Variants in PPP1R21 observed in about 807,000 individuals in gnomAD.
PPP1R21 encodes KLRAQ motif containing 1.
Under a neutral mutation model 112.8 loss-of-function variants are expected in PPP1R21, and 85 were observed. The observed-to-expected ratio is 0.75, with a 90% CI of 0.63 to 0.90. The LOEUF (loss-of-function observed/expected upper bound fraction) is 0.90. Among genes scored for constraint, PPP1R21 ranks in the 40% least tolerant of loss-of-function variants. The probability of loss-of-function intolerance (pLI) is 0.00; values close to 1 mark genes in which losing one functional copy is unlikely to be tolerated. For missense variants in PPP1R21, 1,199 were observed against 901.5 expected, an observed-to-expected ratio of 1.33 and a Z score of -4.23; for synonymous variants, 381 against 322.3, an observed-to-expected ratio of 1.18 and a Z score of -1.95.
chr2:48,510,181 A>T, intron 20 of PPP1R21, 68 bp downstream of exon 20: 5 of 1,194,160 alleles, frequency 4.2e-6, no homozygotes, highest in Non-Finnish European at 6.0e-6. Context: ...GCAAAGCAGC[A>T]TTTCTTTTCC....
intron 12 of PPP1R21, among the ~76,000 whole-genome samples, chr2:48,476,362 A>G (rs940270475): frequency 6.6e-6 from 1 of 152,200 alleles, no homozygotes; most frequent in African/African-American, 2.4e-5. Context: ...TGTAGTGGAC[A>G]TTTGGGTTGT....
At chr2:48,476,918 C>A (rs1668783400) in intron 12 of PPP1R21, among the ~76,000 whole-genome samples, 1 of 151,694 alleles carries the variant, frequency 6.6e-6, no homozygotes, top group African/African-American at 2.4e-5. Flanking sequence ...TGATAGTGTC[C>A]TTTGAGGAAC....
chr2:48,497,852 T>C (rs1319049451), intron 16 of PPP1R21, among the ~76,000 whole-genome samples: 2 of 151,902 alleles, frequency 1.3e-5, no homozygotes, highest in African/African-American at 2.4e-5. Flanking sequence ...GGGGTTTCAC[T>C]GTGTTAGCCA....
intron 3 of PPP1R21, 51 bp downstream of exon 3, chr2:48,454,792 AC>A: frequency 7.2e-7 from 1 of 1,390,070 alleles, no homozygotes; most frequent in East Asian, 2.3e-5. Context: ...AGTTACTGAC[AC>A]CTACAGGGCA....
intron 9 of PPP1R21, 130 bp downstream of exon 9, chr2:48,465,772 T>C (rs1295710445): frequency 1.6e-5 from 11 of 686,312 alleles, no homozygotes; most frequent in Admixed American, 3.6e-5. Flanking sequence ...AGCATAGTTT[T>C]TACTCTCAAA....
At chr2:48,494,314 C>T (rs1343037911) in intron 15 of PPP1R21, among the ~76,000 whole-genome samples, 1 of 146,434 alleles carries the variant, frequency 6.8e-6, no homozygotes, top group Non-Finnish European at 1.5e-5. Context: ...GCCTAACCTA[C>T]CAACCATCAT....
chr2:48,450,531 C>G (rs1039730321), intron 1 of PPP1R21, among the ~76,000 whole-genome samples: 1 of 152,320 alleles, frequency 6.6e-6, no homozygotes, highest in South Asian at 2.1e-4. Context: ...TAATATTAGG[C>G]ACAGTGTCCT....
intron 11 of PPP1R21, among the ~76,000 whole-genome samples, chr2:48,474,030 A>C (rs1395269248): frequency 6.6e-6 from 1 of 152,170 alleles, no homozygotes; most frequent in Non-Finnish European, 1.5e-5. Flanking sequence ...TTTCTTTAGG[A>C]ATTTAGTCTG....
At chr2:48,486,045 T>C (rs962175866) in intron 13 of PPP1R21, among the ~76,000 whole-genome samples, 1 of 150,954 alleles carries the variant, frequency 6.6e-6, no homozygotes, top group African/African-American at 2.4e-5. Context: ...TCTTCTATGC[T>C]TTCCTAACCA....
chr2:48,467,369 A>G (rs768402886), intron 9 of PPP1R21, among the ~76,000 whole-genome samples: 2 of 152,260 alleles, frequency 1.3e-5, no homozygotes, highest in African/African-American at 2.4e-5. Flanking sequence ...TATATTAGCT[A>G]TGTATTGCTA....
chr2:48,441,361 G>A (rs1283991281), intron 1 of PPP1R21: 1 of 356,990 alleles, frequency 2.8e-6, no homozygotes, highest in Non-Finnish European at 5.4e-6. Flanking sequence ...TCACCTCGCT[G>A]CTTCCTCAAT....
intron 12 of PPP1R21, among the ~76,000 whole-genome samples, chr2:48,475,867 G>C (rs1368172253): frequency 6.6e-6 from 1 of 151,946 alleles, no homozygotes; most frequent in African/African-American, 2.4e-5. Flanking sequence ...AGTATTTTTG[G>C]GTAACTGAAT....
chr2:48,479,432 A>T, intron 12 of PPP1R21: 1 of 470,186 alleles, frequency 2.1e-6, no homozygotes, highest in Non-Finnish European at 4.4e-6. Flanking sequence ...TGTTGCCCTT[A>T]GAACCGTCTC....
intron 3 of PPP1R21, among the ~76,000 whole-genome samples, chr2:48,457,105 T>C (rs1313911176): frequency 6.6e-6 from 1 of 151,746 alleles, no homozygotes; most frequent in African/African-American, 2.4e-5. Flanking sequence ...GGGGAGAGAA[T>C]AGTCATCTGA....
chr2:48,477,990 G>A (rs1328854562), intron 12 of PPP1R21, among the ~76,000 whole-genome samples: 1 of 152,214 alleles, frequency 6.6e-6, no homozygotes, highest in Non-Finnish European at 1.5e-5. Flanking sequence ...TATAAGGAGA[G>A]AGAGATTTCG....
At chr2:48,486,503 T>C (rs1476389176) in intron 13 of PPP1R21, 128 bp from the exon 14 acceptor site, 4 of 694,512 alleles carry the variant, frequency 5.8e-6, no homozygotes, top group East Asian at 2.7e-5. Flanking sequence ...ATCCTGACAC[T>C]TGAGACCATT....
chr2:48,466,943 G>A (rs1668232800), intron 9 of PPP1R21, among the ~76,000 whole-genome samples: 1 of 152,190 alleles, frequency 6.6e-6, no homozygotes, highest in African/African-American at 2.4e-5. Context: ...CACTTTGTTT[G>A]TAGGATTGAG....
At chr2:48,451,645 A>G (rs1209503479) in intron 2 of PPP1R21, among the ~76,000 whole-genome samples, 1 of 152,260 alleles carries the variant, frequency 6.6e-6, no homozygotes, top group Non-Finnish European at 1.5e-5. Context: ...CCTCATTTCT[A>G]GTAGGCATGT....
chr2:48,450,768 G>C (rs1291622408), intron 1 of PPP1R21, among the ~76,000 whole-genome samples: 1 of 150,980 alleles, frequency 6.6e-6, no homozygotes, highest in Non-Finnish European at 1.5e-5. Flanking sequence ...TCCCATTTTT[G>C]CCATTGATTT....
Sources: gnomAD v4.1 joint callset for allele counts (sites outside exome capture counted in the v4.1 genomes callset) on GRCh38, gnomAD v4.1.1 for gene constraint, MANE v1.5 for transcripts, NCBI Gene and HGNC (gene_info 2026-07-23, HGNC 2026-07-21) for gene names.